Variants in RBM28 observed in about 807,000 individuals in gnomAD.
RBM28 encodes RNA-binding protein 28.
Under a neutral mutation model 98.3 loss-of-function variants are expected in RBM28, and 78 were observed. The ratio of observed to expected loss-of-function variants is 0.79; its 90% CI spans 0.66 to 0.96. RBM28 has a LOEUF of 0.96. RBM28 is among the 40% of genes least tolerant of loss of function. RBM28 has a pLI of 0.00. For missense variants in RBM28, 838 were observed against 913.0 expected (o/e 0.92, Z 1.06); for synonymous variants, 306 against 330.9 (o/e 0.92, Z 0.82).
chr7:128,323,897 A>G (rs567203077), intron 12 of RBM28, among the ~76,000 whole-genome samples: 8 of 152,240 alleles, frequency 5.3e-5, no homozygotes, highest in Non-Finnish European at 1.2e-4. Context: ...AGTATGGAAC[A>G]TAAGTACATT....
At chr7:128,342,704 T>G (rs1294747790) in intron 1 of RBM28, among the ~76,000 whole-genome samples, 1 of 152,140 alleles carries the variant, frequency 6.6e-6, no homozygotes, top group Non-Finnish European at 1.5e-5. Flanking sequence ...AAATCTTACA[T>G]GATCTGCTAC....
In RBM28 at chr7:128,333,377, AAAAC is replaced by A; in HGVS notation, c.947-19_947-16del. ...GACTTGCACAGCTAAGGTAAAAAGAAAAACAACAAACTGAAAGAGATTAGTGTAA... is the reference window on the plus strand; with the variant it reads ...GACTTGCACAGCTAAGGTAAAAAGAAAACAAACTGAAAGAGATTAGTGTAA... On this transcript the variant is annotated splice_polypyrimidine_tract_variant and intron_variant, in intron 8 of 18. Coordinates refer to ENST00000223073, the MANE Select transcript of RBM28 (RefSeq NM_018077.3). 3 of 1,560,704 alleles carry A rather than the reference AAAAC, an allele frequency of 1.9e-6. No homozygotes were observed. Among genetic ancestry groups the A allele is most frequent in the Non-Finnish European group, 2.7e-6 (3 of 1,131,584 alleles).
intron 6 of RBM28, among the ~76,000 whole-genome samples, chr7:128,336,762 C>CT (rs774583330): frequency 2.0e-5 from 3 of 151,850 alleles, no homozygotes; most frequent in Non-Finnish European, 2.9e-5. Context: ...TTCTCTTACA[C>CT]TTTTTTTTTG....
Position 128,297,697 on chromosome 7 carries a change from G to A in RBM28, c.*13100C>T, listed in dbSNP as rs1339035688. ...TGCTGCTATAAAGACACACACACAC[G>A]TATGTTTATTGCGGCACTATTCACA... On this transcript the variant is annotated 3_prime_UTR_variant, in exon 19 of 19. Coordinates refer to ENST00000223073, the MANE Select transcript of RBM28 (RefSeq NM_018077.3). 6.6e-6 allele frequency: 1 copy of A among 151,826 alleles called. No homozygotes were observed. The highest frequency in any genetic ancestry group is 1.5e-5 in the Non-Finnish European group (1 of 67,996). 9.4% of individuals were successfully genotyped at this position (151,826 alleles called of 1,614,324 possible). A position where few individuals can be genotyped will look rare whatever the true frequency, so the allele number is the denominator to read the frequency against.
chr7:128,312,194 G>A (rs1362678606), intron 18 of RBM28, among the ~76,000 whole-genome samples: 18 of 152,184 alleles, frequency 1.2e-4, no homozygotes, highest in Non-Finnish European at 2.2e-4. Context: ...CGAGGCAGGC[G>A]AATCACCTGA....
rs555562906 is a variant in RBM28, at chr7:128,314,849, C to A, written c.1960G>T (p.Ala654Ser). The change falls in exon 17 of 19, where the codon GCT becomes TCT. Residue 654 changes from alanine (A) to serine (S), a missense_variant. Ala to Ser is a moderately conservative substitution (Grantham distance 99). Transcript: ENST00000223073. ...STSWTGFQTK[A>S]EVEQVELPDG... ...GGCAGCTCCACCTGCTCCACTTCAG[C>A]CTTGGTCTGGAACCCGGTCCATGAG... The A allele has an allele frequency of 2.5e-5, 41 of 1,614,180 alleles. No individual in the cohort carries two copies. In the East Asian group the frequency reaches 8.7e-4, roughly 34 times the overall value.
At position 128,304,410 on chromosome 7, in the gene RBM28, T is replaced by C. The variant is rs1339079807; in HGVS notation, c.*6387A>G. On this transcript the variant is annotated 3_prime_UTR_variant, in exon 19 of 19. Transcript: ENST00000223073. ...TGAAAAGACACATGAGATGGTTCAG[T>C]GCTAACTCACCCTTCTGACAGAAAA... 1.3e-5 allele frequency: 2 copies of C among 152,216 alleles called. No individual in the cohort carries two copies. Among genetic ancestry groups the C allele is most frequent in the African/African-American group, 4.8e-5 (2 of 41,436 alleles). 9.4% of individuals were successfully genotyped at this position (152,216 alleles called of 1,614,324 possible). A position where few individuals can be genotyped will look rare whatever the true frequency, so the allele number is the denominator to read the frequency against.
In RBM28 at chr7:128,299,639, GT is replaced by G. The variant is rs1795755087; in HGVS notation, c.*11157del. On this transcript the variant is annotated 3_prime_UTR_variant, in exon 19 of 19. Transcript: ENST00000223073. The stretch of plus-strand genomic sequence containing the variant: ...TTCCATCACATAAAGAACTGGTTAT[GT>G]AAATTATGTTACACTGATACAATCC... The G allele has an allele frequency of 6.6e-6, 1 of 152,226 alleles. No individual in the cohort carries two copies. The highest frequency in any genetic ancestry group is 1.5e-5 in the Non-Finnish European group (1 of 68,034). The allele number at this position is 152,226 out of a possible 1,614,324, so 9.4% of individuals were successfully genotyped here.
At chr7:128,341,812 C>T (rs1796731572) in intron 1 of RBM28, among the ~76,000 whole-genome samples, 1 of 152,188 alleles carries the variant, frequency 6.6e-6, no homozygotes, top group Non-Finnish European at 1.5e-5. Flanking sequence ...TTATTTAAAA[C>T]TTAAAAGTTT....
At chr7:128,315,158 G>A in intron 16 of RBM28, 138 bp from the exon 17 acceptor site, 2 of 1,279,932 alleles carry the variant, frequency 1.6e-6, no homozygotes, top group Non-Finnish European at 2.2e-6. Context: ...CTAGAGGAAA[G>A]TGAATACATG....
At position 128,333,314 on chromosome 7, in the gene RBM28, T is replaced by G. The variant is rs140184373; in HGVS notation, c.995A>C (p.Asn332Thr). The change falls in exon 9 of 19, where the codon AAT (asparagine) becomes ACT (threonine). Residue 332 changes from asparagine (N) to threonine (T), a missense_variant. By Grantham distance (65) the Asn-to-Thr change is moderately conservative. Transcript: ENST00000223073. ...CCTGATAAAAACAGTTTTCCCTTCA[T>G]TCACATCAGAGGGTAATTTCCTCTT... ...KKKRKLPSDV[N>T]EGKTVFIRNL... 2 of 1,606,088 alleles carry G rather than the reference T, an allele frequency of 1.2e-6. No individual in the cohort carries two copies. Among genetic ancestry groups the G allele is most frequent in the Non-Finnish European group, 1.7e-6 (2 of 1,172,782 alleles).
rs1796135430 is a variant in RBM28, at chr7:128,317,738, C to T, written c.1714-5G>A. The stretch of plus-strand genomic sequence containing the variant: ...AGAGAACTCCACTATTGGTCTCTGT[C>T]AGAGGGAGACAGAATGCCATTCATT... On this transcript the variant is annotated splice_region_variant and splice_polypyrimidine_tract_variant and intron_variant, in intron 15 of 18. Coordinates refer to ENST00000223073, the MANE Select transcript of RBM28 (RefSeq NM_018077.3). 2 of 1,584,516 alleles carry T rather than the reference C, an allele frequency of 1.3e-6. No individual in the cohort carries two copies. Among genetic ancestry groups the T allele is most frequent in the Non-Finnish European group, 1.7e-6 (2 of 1,153,438 alleles).
intron 14 of RBM28, among the ~76,000 whole-genome samples, chr7:128,318,517 A>C (rs966235062): frequency 6.6e-6 from 1 of 151,788 alleles, no homozygotes; most frequent in Non-Finnish European, 1.5e-5. Context: ...CATAATCTTC[A>C]TTTATACCAC....
At chr7:128,333,392 A>G (rs1402302087) in intron 8 of RBM28, 30 bp from the exon 9 acceptor site, 1 of 1,514,658 alleles carries the variant, frequency 6.6e-7, no homozygotes. Flanking sequence ...AACAAACTGA[A>G]AGAGATTAGT....
Position 128,333,286 on chromosome 7 carries a change from A to G in RBM28, c.1019+4T>C, listed in dbSNP as rs538011391. 13 of 1,581,842 alleles carry G rather than the reference A, an allele frequency of 8.2e-6. No homozygotes were observed. The highest frequency in any genetic ancestry group is 1.3e-5 in the African/African-American group (1 of 74,136). On this transcript the variant is annotated splice_donor_region_variant and intron_variant, in intron 9 of 18. Coordinates refer to ENST00000223073, the MANE Select transcript of RBM28 (RefSeq NM_018077.3). ...AAAGCAATTCTGGAGGCAGAAAGAC[A>G]TACCTGATAAAAACAGTTTTCCCTT...
chr7:128,300,880 G>C lies in RBM28; in HGVS notation c.*9917C>G, dbSNP rs1795773343. On this transcript the variant is annotated 3_prime_UTR_variant, in exon 19 of 19. Transcript: ENST00000223073. The stretch of plus-strand genomic sequence containing the variant: ...TCTCTTCACAGCGCTCCACCCCTAG[G>C]GCCTGCTTAAATGGCACAGCCAGCT... 6.6e-6 allele frequency: 1 copy of C among 152,332 alleles called. No individual in the cohort carries two copies. Among genetic ancestry groups the C allele is most frequent in the African/African-American group, 2.4e-5 (1 of 41,434 alleles). The allele number at this position is 152,332 out of a possible 1,614,324, so 9.4% of individuals were successfully genotyped here.
In RBM28 at chr7:128,333,489, G is replaced by A. The variant is rs116996082; in HGVS notation, c.947-127C>T. 376 of 762,280 alleles carry A rather than the reference G, an allele frequency of 4.9e-4. 4 individuals carry two copies. The East Asian group carries it at 7.0e-3, about 14-fold the overall frequency. The allele number at this position is 762,280 out of a possible 1,614,324, so 47.2% of individuals were successfully genotyped here. On this transcript the variant is annotated intron_variant, in intron 8 of 18. Coordinates refer to ENST00000223073, the MANE Select transcript of RBM28 (RefSeq NM_018077.3). ...TCATGCCACTTTGAAAAGCCCAGGC[G>A]GGCTGATCACCTGAGGTCAGGAGTT...
At position 128,309,056 on chromosome 7, in the gene RBM28, G is replaced by T. The variant is rs1216397345; in HGVS notation, c.*1741C>A. On this transcript the variant is annotated 3_prime_UTR_variant, in exon 19 of 19. Transcript: ENST00000223073. The stretch of plus-strand genomic sequence containing the variant: ...AAGCATTATTTGTAACACTCAACTA[G>T]ACTAAGCAATCAAGAATTTTGGGCC... The T allele has an allele frequency of 6.6e-6, 1 of 150,538 alleles. No individual in the cohort carries two copies. Among genetic ancestry groups the T allele is most frequent in the Non-Finnish European group, 1.5e-5 (1 of 67,778 alleles). The allele number at this position is 150,538 out of a possible 1,614,324, so 9.3% of individuals were successfully genotyped here.
At chr7:128,313,365 TG>T (rs1262273263) in intron 17 of RBM28, 91 bp from the exon 18 acceptor site, 2 of 1,255,344 alleles carry the variant, frequency 1.6e-6, no homozygotes, top group African/African-American at 3.0e-5. Context: ...CCCAAGCCCA[TG>T]ATAAGTGAAG....
Sources: allele counts gnomAD v4.1 joint callset (sites outside exome capture counted in the v4.1 genomes callset), GRCh38; gene constraint gnomAD v4.1.1; transcripts MANE v1.5; gene names NCBI Gene and HGNC (gene_info 2026-07-23, HGNC 2026-07-21).